The following TMEM117 variants were observed in gnomAD, a reference collection of about 807,000 sequenced individuals.
TMEM117 encodes the protein transmembrane protein 117.
A neutral mutation model predicts 52.4 loss-of-function variants in TMEM117; 27 were observed. The ratio of observed to expected loss-of-function variants is 0.51; its 90% CI spans 0.38 to 0.71. The LOEUF (loss-of-function observed/expected upper bound fraction) is 0.71, where lower values mean the gene tolerates loss of function less well. Among genes scored for constraint, TMEM117 ranks in the 30% least tolerant of loss-of-function variants. The pLI is 0.00. For synonymous variants in TMEM117, 215 were observed against 206.3 expected (o/e 1.04, Z -0.36); for missense variants, 556 against 630.5 (o/e 0.88, Z 1.26).
chr12:44,373,850 C>G (rs1232006113), intron 6 of TMEM117, among the ~76,000 whole-genome samples: 1 of 129,134 alleles, frequency 7.7e-6, no homozygotes, highest in African/African-American at 2.9e-5. Context: ...GGTGCGATCT[C>G]GGCTCACTAC....
intron 3 of TMEM117, among the ~76,000 whole-genome samples, chr12:44,050,457 A>G (rs1017300082): frequency 6.6e-6 from 1 of 152,208 alleles, no homozygotes; most frequent in East Asian, 1.9e-4. Flanking sequence ...GATTACAGAC[A>G]TGAGACACTG....
intron 3 of TMEM117, among the ~76,000 whole-genome samples, chr12:44,078,782 C>T (rs1303301619): frequency 6.6e-6 from 1 of 151,896 alleles, no homozygotes; most frequent in Non-Finnish European, 1.5e-5. Context: ...TATAGGTATA[C>T]ACATGCCATG....
chr12:43,997,993 A>G (rs963988963), intron 3 of TMEM117, among the ~76,000 whole-genome samples: 2 of 152,232 alleles, frequency 1.3e-5, no homozygotes, highest in Non-Finnish European at 2.9e-5. Context: ...GCTGGTTCTC[A>G]CAACTGCATA....
intron 4 of TMEM117, among the ~76,000 whole-genome samples, chr12:44,191,297 G>A (rs1365844388): frequency 6.6e-6 from 1 of 152,050 alleles, no homozygotes; most frequent in Non-Finnish European, 1.5e-5. Flanking sequence ...AGGGATTATA[G>A]GAACTACAAT....
chr12:43,912,749 C>T (rs1944535091), intron 2 of TMEM117, among the ~76,000 whole-genome samples: 1 of 151,518 alleles, frequency 6.6e-6, no homozygotes, highest in Non-Finnish European at 1.5e-5. Context: ...ATGTGATTTT[C>T]AATTAATATA....
chr12:44,175,122 G>T (rs1949100800), intron 4 of TMEM117, among the ~76,000 whole-genome samples: 1 of 152,164 alleles, frequency 6.6e-6, no homozygotes. Flanking sequence ...AACTATTGAA[G>T]CAGATTTTAT....
intron 2 of TMEM117, among the ~76,000 whole-genome samples, chr12:43,880,342 A>G (rs1227075157): frequency 3.3e-5 from 5 of 152,090 alleles, no homozygotes; most frequent in South Asian, 2.1e-4. Flanking sequence ...ACCATGTTAC[A>G]TGGTTACATA....
chr12:43,823,174 T>C, the TMEM117 span, among the ~76,000 whole-genome samples: 1 of 152,254 alleles, frequency 6.6e-6, no homozygotes, highest in Non-Finnish European at 1.5e-5. Flanking sequence ...AAGAAGGTAA[T>C]AGGAGATGTG....
chr12:44,318,935 G>A (rs1335256832), intron 6 of TMEM117, among the ~76,000 whole-genome samples: 1 of 152,202 alleles, frequency 6.6e-6, no homozygotes, highest in Non-Finnish European at 1.5e-5. Flanking sequence ...GGAGCTCCCA[G>A]CAAGGTCACA....
intron 3 of TMEM117, among the ~76,000 whole-genome samples, chr12:44,057,168 C>T (rs916145394): frequency 2.6e-5 from 4 of 152,116 alleles, no homozygotes. Flanking sequence ...AACTTCAGCT[C>T]CCTTTAGAAA....
Position 43,978,475 on chromosome 12 carries a change from G to A in TMEM117, c.410+34133G>A, listed in dbSNP as rs575745343. 4.2e-4 allele frequency among the ~76,000 whole-genome samples: 64 copies of A among 152,214 alleles called. 1 individual carries two copies. The highest frequency in any genetic ancestry group is 6.8e-3 in the Middle Eastern group (2 of 294). Reference sequence around the variant, plus strand: ...CTCTGAATGTTAGTAAGTCCAGAACGAGTGAGGGAATTATGTGGTCTCCAC... The same window carrying A: ...CTCTGAATGTTAGTAAGTCCAGAACAAGTGAGGGAATTATGTGGTCTCCAC... On this transcript the variant is annotated intron_variant, in intron 3 of 7. Transcript: ENST00000266534.
At chr12:44,122,118 C>CA in intron 3 of TMEM117, among the ~76,000 whole-genome samples, 1 of 151,024 alleles carries the variant, frequency 6.6e-6, no homozygotes, top group African/African-American at 2.4e-5. Flanking sequence ...AATCTCCACT[C>CA]ACTGCAACCT....
At chr12:43,847,479 G>C (rs1943229551) in intron 2 of TMEM117, among the ~76,000 whole-genome samples, 1 of 152,190 alleles carries the variant, frequency 6.6e-6, no homozygotes, top group Non-Finnish European at 1.5e-5. Context: ...GATGCAATGG[G>C]TTTAAGGAAG....
chr12:43,890,426 T>C (rs183863849), intron 2 of TMEM117, among the ~76,000 whole-genome samples: 1 of 152,340 alleles, frequency 6.6e-6, no homozygotes, highest in Admixed American at 6.5e-5. Context: ...AGATGTCCTG[T>C]CATTCTAGAT....
chr12:44,342,147 GTGTACTGGCGTT>G (rs1258877793), intron 6 of TMEM117, among the ~76,000 whole-genome samples: 5 of 152,138 alleles, frequency 3.3e-5, no homozygotes, highest in Non-Finnish European at 7.4e-5. Context: ...AACAATTCCA[GTGTACTGGCGTT>G]TGAAAGCAGA....
intron 5 of TMEM117, among the ~76,000 whole-genome samples, chr12:44,264,832 A>T (rs12314054): frequency 1.3e-5 from 2 of 152,294 alleles, no homozygotes; most frequent in East Asian, 3.9e-4. Context: ...AATAACTAGC[A>T]TATACTACAG....
chr12:44,034,552 TTTACAATTTTTGGTAGC>T (rs1209370979), intron 3 of TMEM117, among the ~76,000 whole-genome samples: 6 of 152,220 alleles, frequency 3.9e-5, no homozygotes, highest in African/African-American at 1.4e-4. Flanking sequence ...AAATGCAGAA[TTTACAATTTTTGGTAGC>T]TATTTTTAGA....
intron 3 of TMEM117, among the ~76,000 whole-genome samples, chr12:44,110,161 A>C (rs1331997904): frequency 8.9e-6 from 1 of 112,228 alleles, no homozygotes; most frequent in Non-Finnish European, 1.7e-5. Context: ...AAACAGGGAC[A>C]ATTTGACTTC....
At chr12:44,362,639 G>A (rs2138812453) in intron 6 of TMEM117, among the ~76,000 whole-genome samples, 1 of 151,968 alleles carries the variant, frequency 6.6e-6, no homozygotes, top group Middle Eastern at 3.4e-3. Context: ...ACAAGTGTTA[G>A]CTTAGAATTG....
Sources: gnomAD v4.1 joint callset for allele counts (sites outside exome capture counted in the v4.1 genomes callset) on GRCh38, gnomAD v4.1.1 for gene constraint, MANE v1.5 for transcripts, NCBI Gene and HGNC (gene_info 2026-07-23, HGNC 2026-07-21) for gene names.